The following CSMD1 variants were observed in gnomAD, a reference collection of about 807,000 sequenced individuals.
The protein encoded by CSMD1 is CUB and Sushi multiple domains 1, also known as CUB and sushi domain-containing protein 1.
A neutral mutation model predicts 417.5 loss-of-function variants in CSMD1; 213 were observed. The observed-to-expected ratio is 0.51, with a 90% CI of 0.46 to 0.57. The LOEUF is 0.57. Among genes scored for constraint, CSMD1 ranks in the 20% least tolerant of loss-of-function variants. The pLI, the probability that CSMD1 is intolerant of heterozygous loss-of-function variation, is 0.00. For missense variants in CSMD1, 6,923 were observed against 4,529.7 expected (o/e 1.53, Z -15.17); for synonymous variants, 2,862 against 1,736.8 (o/e 1.65, Z -16.11).
intron 3 of CSMD1, among the ~76,000 whole-genome samples, chr8:4,133,304 A>C (rs1563166449): frequency 6.6e-6 from 1 of 152,240 alleles, no homozygotes. Flanking sequence ...GTCTAAGTTT[A>C]TACTGGAATG....
At chr8:3,174,361 G>A (rs918886476) in intron 37 of CSMD1, among the ~76,000 whole-genome samples, 3 of 152,110 alleles carry the variant, frequency 2.0e-5, no homozygotes, top group Non-Finnish European at 4.4e-5. Context: ...TGGGTGTGGT[G>A]GCATTTGCCT....
intron 11 of CSMD1, among the ~76,000 whole-genome samples, chr8:3,481,957 A>G (rs562870254): frequency 6.6e-6 from 1 of 152,370 alleles, no homozygotes; most frequent in Admixed American, 6.5e-5. Flanking sequence ...ACAGTAGGAA[A>G]TAAATGTATC....
chr8:3,573,337 C>G (rs1800019027), intron 10 of CSMD1, among the ~76,000 whole-genome samples: 2 of 152,126 alleles, frequency 1.3e-5, no homozygotes, highest in African/African-American at 4.8e-5. Flanking sequence ...TGGTAAAAAA[C>G]TGAGTAACAA....
chr8:4,228,263 A>G (rs556198027), intron 3 of CSMD1, among the ~76,000 whole-genome samples: 1 of 152,240 alleles, frequency 6.6e-6, no homozygotes, highest in African/African-American at 2.4e-5. Context: ...CATCCTTTCC[A>G]GTCACAGGCC....
chr8:3,118,874 G>A (rs1318509580), intron 41 of CSMD1, among the ~76,000 whole-genome samples: 1 of 152,186 alleles, frequency 6.6e-6, no homozygotes, highest in African/African-American at 2.4e-5. Flanking sequence ...GGCATATGAT[G>A]TAAATTATTT....
chr8:3,621,750 TTTA>T (rs1222963413), intron 7 of CSMD1, among the ~76,000 whole-genome samples: 6 of 151,070 alleles, frequency 4.0e-5, no homozygotes, highest in African/African-American at 7.3e-5. Context: ...CAGCTAATGT[TTTA>T]TTATTATTAT....
intron 1 of CSMD1, among the ~76,000 whole-genome samples, chr8:4,954,416 C>G (rs1020891226): frequency 6.6e-6 from 1 of 152,066 alleles, no homozygotes; most frequent in African/African-American, 2.4e-5. Context: ...CAGGTTAGCA[C>G]TCCCAATGCT....
chr8:4,850,380 A>ATATTTTTTTTTTTTT (rs1403352847), intron 1 of CSMD1, among the ~76,000 whole-genome samples: 4 of 82,768 alleles, frequency 4.8e-5, no homozygotes, highest in African/African-American at 1.5e-4. Context: ...AATCCAATTT[A>ATATTTTTTTTTTTTT]TCTTTTTTTT....
rs1586032 is a variant in CSMD1 at position 3,651,371 on chromosome 8, T to C, written c.1010-34574A>G. Reference sequence around the variant, plus strand: ...ACACACTTCACATAGGTCTTCTGTCTCCTCTTCATTCACAATATGGAAGCC... The same window carrying C: ...ACACACTTCACATAGGTCTTCTGTCCCCTCTTCATTCACAATATGGAAGCC... On this transcript the variant is annotated intron_variant, in intron 7 of 69. Transcript: ENST00000635120. Among the ~76,000 whole-genome samples, 1,335 of 152,208 alleles carry C rather than the reference T, an allele frequency of 8.8e-3. 17 individuals carry two copies. Among genetic ancestry groups the C allele is most frequent in the African/African-American group, 0.028 (1,172 of 41,524 alleles).
At chr8:3,471,869 T>A (rs768938742) in intron 11 of CSMD1, among the ~76,000 whole-genome samples, 1 of 152,190 alleles carries the variant, frequency 6.6e-6, no homozygotes, top group Non-Finnish European at 1.5e-5. Context: ...AATGTGGGCA[T>A]AGCCGTTAGT....
At chr8:3,604,184 T>C (rs1336199135) in intron 8 of CSMD1, among the ~76,000 whole-genome samples, 1 of 152,072 alleles carries the variant, frequency 6.6e-6, no homozygotes, top group African/African-American at 2.4e-5. Context: ...TGTGGGCAGA[T>C]AGAAAATATA....
intron 3 of CSMD1, among the ~76,000 whole-genome samples, chr8:4,271,888 T>C (rs1804621966): frequency 6.6e-6 from 1 of 152,156 alleles, no homozygotes; most frequent in South Asian, 2.1e-4. Flanking sequence ...CCTCCCTTGG[T>C]GTCCACAGGG....
intron 3 of CSMD1, among the ~76,000 whole-genome samples, chr8:4,216,131 T>A (rs191194521): frequency 7.2e-5 from 11 of 152,222 alleles, no homozygotes; most frequent in Admixed American, 2.6e-4. Flanking sequence ...CACCTGCCTT[T>A]TTTATGTAAT....
chr8:4,812,755 G>C (rs1436814940), intron 1 of CSMD1, among the ~76,000 whole-genome samples: 1 of 152,138 alleles, frequency 6.6e-6, no homozygotes, highest in South Asian at 2.1e-4. Context: ...ATCTGGAAAA[G>C]ACCTTGAGTT....
chr8:3,785,823 T>A lies in CSMD1; in HGVS notation c.819-31781A>T, dbSNP rs377307557. ...TGCGGAAGAGCTATGTTGAAGAGCT[T>A]CTTCCTTATTCCTGAGGGCTTTGGG... On this transcript the variant is annotated intron_variant, in intron 5 of 69. Transcript: ENST00000635120. Among the ~76,000 whole-genome samples the A allele has an allele frequency of 3.9e-5, 6 of 152,302 alleles. No individual in the cohort carries two copies. In the South Asian group the frequency reaches 1.2e-3, roughly 32 times the overall value.
intron 3 of CSMD1, among the ~76,000 whole-genome samples, chr8:4,311,674 G>C (rs905861765): frequency 4.1e-5 from 6 of 146,194 alleles, no homozygotes; most frequent in Admixed American, 2.8e-4. Flanking sequence ...AGTGAGCCGA[G>C]ATTGTGCCAC....
At position 4,955,207 on chromosome 8, in the gene CSMD1, G is replaced by A. The variant is rs187195335; in HGVS notation, c.85+39125C>T. 2.2e-3 allele frequency among the ~76,000 whole-genome samples: 330 copies of A among 152,212 alleles called. 1 individual carries two copies. Among genetic ancestry groups the A allele is most frequent in the African/African-American group, 7.5e-3 (310 of 41,550 alleles). ...TGTTCCCGTTGGCTTCTACCCATTC[G>A]TGTGCACAGAAGTTTTCAGAAATGT... On this transcript the variant is annotated intron_variant, in intron 1 of 69. Coordinates refer to ENST00000635120, the MANE Select transcript of CSMD1 (RefSeq NM_033225.6).
intron 25 of CSMD1, among the ~76,000 whole-genome samples, chr8:3,285,326 G>C (rs1230005432): frequency 6.6e-6 from 1 of 151,912 alleles, no homozygotes; most frequent in African/African-American, 2.4e-5. Flanking sequence ...CTTAAATATA[G>C]AGAAAAGTAT....
intron 5 of CSMD1, among the ~76,000 whole-genome samples, chr8:3,926,026 C>G (rs979277488): frequency 8.0e-6 from 1 of 125,252 alleles, no homozygotes; most frequent in Non-Finnish European, 1.7e-5. Flanking sequence ...CACACACACA[C>G]ACACACACAC....
Sources: gnomAD v4.1 joint callset for allele counts (sites outside exome capture counted in the v4.1 genomes callset) on GRCh38, gnomAD v4.1.1 for gene constraint, MANE v1.5 for transcripts, NCBI Gene and HGNC (gene_info 2026-07-23, HGNC 2026-07-21) for gene names.